The following FZD3 variants were observed in gnomAD, a reference collection of about 807,000 sequenced individuals.
FZD3 encodes the protein frizzled class receptor 3, also known as frizzled-3.
Under a neutral mutation model 60.7 loss-of-function variants are expected in FZD3, and 30 were observed. The observed-to-expected ratio is 0.49, with a 90% CI of 0.37 to 0.67. The LOEUF is 0.67. FZD3 is among the 30% of genes least tolerant of loss of function. The probability of loss-of-function intolerance (pLI) is 0.00; values close to 1 mark genes in which losing one functional copy is unlikely to be tolerated. For missense variants in FZD3, 605 were observed against 838.7 expected, an observed-to-expected ratio of 0.72 and a Z score of 3.44; for synonymous variants, 246 against 275.2, an observed-to-expected ratio of 0.89 and a Z score of 1.05.
chr8:28,547,000 G>A (rs1305478273), intron 5 of FZD3, among the ~76,000 whole-genome samples: 2 of 151,752 alleles, frequency 1.3e-5, no homozygotes, highest in African/African-American at 2.4e-5. Flanking sequence ...TTAATGGTTC[G>A]AAACCCAAAA....
chr8:28,511,278 G>A (rs1166678412), intron 3 of FZD3, among the ~76,000 whole-genome samples: 3 of 152,018 alleles, frequency 2.0e-5, no homozygotes, highest in African/African-American at 7.2e-5. Context: ...ACGAGGTCAA[G>A]AGATCAAGAC....
At chr8:28,556,837 A>G (rs890804302) in intron 7 of FZD3, among the ~76,000 whole-genome samples, 1 of 152,192 alleles carries the variant, frequency 6.6e-6, no homozygotes, top group Non-Finnish European at 1.5e-5. Context: ...GGGAGTGATT[A>G]ATTCTGGTGG....
chr8:28,520,923 C>CT, intron 4 of FZD3, 89 bp downstream of exon 4: 6 of 912,742 alleles, frequency 6.6e-6, no homozygotes, highest in Non-Finnish European at 9.6e-6. Context: ...TTTTAAAAAA[C>CT]TTTTTTTGAA....
chr8:28,543,474 A>G lies in FZD3; in HGVS notation c.1405-8129A>G, dbSNP rs927532028. ...CGGCTCACTGCACCCTCTGCCTCCCAGGTTCAAACAGTTCTCTTGCCTCAG... is the reference window on the plus strand; with the variant it reads ...CGGCTCACTGCACCCTCTGCCTCCCGGGTTCAAACAGTTCTCTTGCCTCAG... On this transcript the variant is annotated intron_variant, in intron 5 of 7. Transcript: ENST00000240093. Among the ~76,000 whole-genome samples, 3 of 151,988 alleles carry G rather than the reference A, an allele frequency of 2.0e-5. No individual in the cohort carries two copies. In the South Asian group the frequency reaches 6.2e-4, roughly 32 times the overall value.
chr8:28,498,062 G>A (rs1803889882), intron 1 of FZD3, among the ~76,000 whole-genome samples: 1 of 152,218 alleles, frequency 6.6e-6, no homozygotes. Flanking sequence ...AAATGGGTAA[G>A]CTTTAAAGTA....
At chr8:28,540,657 T>C (rs1259862781) in intron 5 of FZD3, among the ~76,000 whole-genome samples, 1 of 152,194 alleles carries the variant, frequency 6.6e-6, no homozygotes, top group African/African-American at 2.4e-5. Flanking sequence ...TCTTTAAAAA[T>C]TCTATAGCCA....
At chr8:28,518,167 T>A (rs1804482190) in intron 3 of FZD3, among the ~76,000 whole-genome samples, 1 of 151,834 alleles carries the variant, frequency 6.6e-6, no homozygotes, top group Admixed American at 6.6e-5. Context: ...CAAGTGATCC[T>A]CCTGCCTCTG....
Position 28,551,734 on chromosome 8 carries a change from T to C in FZD3, c.1536T>C (p.His512=), listed in dbSNP as rs749886914. The change falls in exon 6 of 8, where the codon CAT becomes CAC. Residue 512 remains histidine (H), a synonymous_variant. Transcript: ENST00000240093. ...KTCFEWASFF[H]GRRKKEIVNE... Reference sequence around the variant, plus strand: ...GCTTTGAATGGGCCAGTTTTTTTCATGGTCGTAGGAAAAAAGAGTAAGTTG... The same window carrying C: ...GCTTTGAATGGGCCAGTTTTTTTCACGGTCGTAGGAAAAAAGAGTAAGTTG... 1.2e-5 allele frequency: 20 copies of C among 1,607,446 alleles called. No individual in the cohort carries two copies. The highest frequency in any genetic ancestry group is 6.7e-5 in the South Asian group (6 of 89,100).
intron 7 of FZD3, among the ~76,000 whole-genome samples, chr8:28,558,508 G>A (rs546612907): frequency 4.0e-5 from 6 of 151,524 alleles, no homozygotes; most frequent in South Asian, 4.2e-4. Flanking sequence ...TCAGCTCACT[G>A]CAACCTCCGC....
chr8:28,518,156 T>C (rs547379862), intron 3 of FZD3, among the ~76,000 whole-genome samples: 1 of 152,050 alleles, frequency 6.6e-6, no homozygotes, highest in African/African-American at 2.4e-5. Flanking sequence ...ACTCCTGGGC[T>C]CAAGTGATCC....
intron 1 of FZD3, among the ~76,000 whole-genome samples, chr8:28,494,759 A>G (rs7837459): frequency 0.82 from 124,693 of 151,966 alleles, 51,977 homozygotes; most frequent in South Asian, 0.93. Flanking sequence ...TGCGCGGCGG[A>G]GAGAGGGGCC....
chr8:28,502,164 C>T (rs1289428722), intron 2 of FZD3, among the ~76,000 whole-genome samples: 1 of 152,140 alleles, frequency 6.6e-6, no homozygotes, highest in Non-Finnish European at 1.5e-5. Flanking sequence ...TTTATATTCA[C>T]ACAGCTAGCA....
chr8:28,499,501 CAT>C (rs1218651889), intron 1 of FZD3, among the ~76,000 whole-genome samples: 1 of 151,994 alleles, frequency 6.6e-6, no homozygotes, highest in Non-Finnish European at 1.5e-5. Flanking sequence ...GGTTGTGCAT[CAT>C]GTGTACTTAC....
rs1455685672 is a variant in FZD3, at chr8:28,568,678, G to A, written c.*5667G>A. On this transcript the variant is annotated 3_prime_UTR_variant, in exon 8 of 8. Transcript: ENST00000240093. The stretch of plus-strand genomic sequence containing the variant: ...TTATTCTGTGATCTCTAATTAGAAA[G>A]TAAAATTCTGTTGCCATAAATATAA... The A allele has an allele frequency of 6.6e-6, 1 of 152,014 alleles. No individual in the cohort carries two copies. Among genetic ancestry groups the A allele is most frequent in the African/African-American group, 2.4e-5 (1 of 41,418 alleles). 9.4% of individuals were successfully genotyped at this position (152,014 alleles called of 1,614,324 possible). A position where few individuals can be genotyped will look rare whatever the true frequency, so the allele number is the denominator to read the frequency against.
intron 5 of FZD3, 81 bp downstream of exon 5, chr8:28,528,245 G>T: frequency 9.1e-7 from 1 of 1,093,252 alleles, no homozygotes; most frequent in South Asian, 1.6e-5. Context: ...AATATCAGCT[G>T]TTTTTTGAAA....
At chr8:28,538,051 A>G (rs1008971814) in intron 5 of FZD3, among the ~76,000 whole-genome samples, 1 of 151,804 alleles carries the variant, frequency 6.6e-6, no homozygotes, top group African/African-American at 2.4e-5. Context: ...CGGGAGGCAG[A>G]GGTTTCAGTG....
At chr8:28,553,813 A>G (rs574828132) in intron 6 of FZD3, among the ~76,000 whole-genome samples, 4 of 152,238 alleles carry the variant, frequency 2.6e-5, no homozygotes, top group African/African-American at 7.2e-5. Context: ...GGAAACGACT[A>G]TAAGATAATA....
intron 7 of FZD3, among the ~76,000 whole-genome samples, chr8:28,559,606 C>T (rs1805579312): frequency 6.6e-6 from 1 of 152,190 alleles, no homozygotes; most frequent in African/African-American, 2.4e-5. Flanking sequence ...TGAAGGTGTT[C>T]TGTAATGTGG....
chr8:28,519,808 A>G (rs896688287), intron 3 of FZD3, among the ~76,000 whole-genome samples: 4 of 151,264 alleles, frequency 2.6e-5, no homozygotes, highest in African/African-American at 7.3e-5. Context: ...CTAAATTACT[A>G]CTATATTACT....
Sources: gnomAD v4.1 joint callset for allele counts (sites outside exome capture counted in the v4.1 genomes callset) on GRCh38, gnomAD v4.1.1 for gene constraint, MANE v1.5 for transcripts, NCBI Gene and HGNC (gene_info 2026-07-23, HGNC 2026-07-21) for gene names.